The following SPRR2G variants were observed in gnomAD, a reference collection of about 807,000 sequenced individuals.
SPRR2G encodes small proline-rich protein 2G.
A neutral mutation model predicts 0.7 loss-of-function variants in SPRR2G; 1 was observed. The observed-to-expected ratio is 1.49, with a 90% CI of 0.53 to 7.06. SPRR2G has a LOEUF of 7.06. Among genes scored for constraint, SPRR2G ranks in the 30% most tolerant of loss-of-function variants. The probability of loss-of-function intolerance (pLI) is 0.14; values close to 1 mark genes in which losing one functional copy is unlikely to be tolerated. For synonymous variants in SPRR2G, 38 were observed against 33.9 expected (o/e 1.12, Z -0.42); for missense variants, 96 against 88.5 (o/e 1.09, Z -0.34).
chr1:153,158,994 G>A, the SPRR2G span, among the ~76,000 whole-genome samples: 2 of 152,158 alleles, frequency 1.3e-5, no homozygotes, highest in African/African-American at 4.8e-5. Context: ...CCTGGGCCTG[G>A]CCCACTAAAC....
At chr1:153,181,616 T>C in the SPRR2G span, among the ~76,000 whole-genome samples, 5 of 152,070 alleles carry the variant, frequency 3.3e-5, no homozygotes, top group Non-Finnish European at 7.4e-5. Flanking sequence ...TTCTATTCTC[T>C]ACCTTCATGA....
At chr1:153,167,490 GAAAAA>G in the SPRR2G span, among the ~76,000 whole-genome samples, 2 of 52,048 alleles carry the variant, frequency 3.8e-5, no homozygotes, top group African/African-American at 9.9e-5. Flanking sequence ...AAACAAAAAA[GAAAAA>G]GAAAAAGAAA....
the SPRR2G span, among the ~76,000 whole-genome samples, chr1:153,199,562 G>A: frequency 6.6e-6 from 1 of 152,194 alleles, no homozygotes; most frequent in African/African-American, 2.4e-5. Flanking sequence ...ACAAGAGGCA[G>A]CTGGGTGAGC....
chr1:153,153,348 G>A (rs774170734), upstream of SPRR2G, among the ~76,000 whole-genome samples: 1 of 152,124 alleles, frequency 6.6e-6, no homozygotes, highest in Non-Finnish European at 1.5e-5. Context: ...TAAACACAAT[G>A]ATTGAGTTAA....
chr1:153,151,826 G>GGAT (rs1197121965), upstream of SPRR2G, among the ~76,000 whole-genome samples: 6 of 152,176 alleles, frequency 3.9e-5, no homozygotes, highest in African/African-American at 1.4e-4. Flanking sequence ...TTTACTTCAT[G>GGAT]GATGTTTTTA....
chr1:153,150,227 C>A, intron 1 of SPRR2G, 96 bp from the exon 2 acceptor site: 2 of 1,509,730 alleles, frequency 1.3e-6, no homozygotes, highest in Non-Finnish European at 8.9e-7. Flanking sequence ...TAGGGACCAA[C>A]TTTGATCCCT....
At chr1:153,189,628 C>A in the SPRR2G span, among the ~76,000 whole-genome samples, 2 of 152,080 alleles carry the variant, frequency 1.3e-5, no homozygotes, top group African/African-American at 4.8e-5. Flanking sequence ...GGTTTCCTGG[C>A]AGAGATGAGG....
the SPRR2G span, among the ~76,000 whole-genome samples, chr1:153,187,114 C>G: frequency 8.5e-5 from 13 of 152,204 alleles, no homozygotes; most frequent in African/African-American, 3.1e-4. Context: ...ACCTTTCTCT[C>G]TGTCTGCCCT....
chr1:153,159,983 G>C, the SPRR2G span, among the ~76,000 whole-genome samples: 1 of 152,152 alleles, frequency 6.6e-6, no homozygotes, highest in Admixed American at 6.6e-5. Context: ...TTAACCATAG[G>C]TATTATATTG....
In SPRR2G at chr1:153,149,697, G is replaced by T; in HGVS notation, c.*192C>A. 2.8e-6 allele frequency: 2 copies of T among 708,482 alleles called. No individual in the cohort carries two copies. Among genetic ancestry groups the T allele is most frequent in the Non-Finnish European group, 2.4e-6 (1 of 423,646 alleles). The allele number at this position is 708,482 out of a possible 1,614,324, so 43.9% of individuals were successfully genotyped here. A position where few individuals can be genotyped will look rare whatever the true frequency, so the allele number is the denominator to read the frequency against. On this transcript the variant is annotated 3_prime_UTR_variant, in exon 2 of 2. Coordinates refer to ENST00000368748, the MANE Select transcript of SPRR2G (RefSeq NM_001014291.4). ...AGACAGCAAAGCGAGATTAGGCAGT[G>T]ATCTGGCTGCTCATCTTCCAACAAC...
chr1:153,156,457 T>C, the SPRR2G span, among the ~76,000 whole-genome samples: 1 of 152,260 alleles, frequency 6.6e-6, no homozygotes, highest in African/African-American at 2.4e-5. Context: ...AAAGGAATTG[T>C]CTAAAGAATT....
the SPRR2G span, among the ~76,000 whole-genome samples, chr1:153,167,418 G>A: frequency 6.6e-6 from 1 of 152,090 alleles, no homozygotes; most frequent in Admixed American, 6.6e-5. Flanking sequence ...AGGCTGTGGT[G>A]AGCCAAGATC....
upstream of SPRR2G, among the ~76,000 whole-genome samples, chr1:153,154,766 AGAG>A (rs144437487): frequency 0.016 from 2,396 of 152,170 alleles, 64 homozygotes; most frequent in African/African-American, 0.055. Context: ...TAGTCTAGCT[AGAG>A]GTTTGTCAAA....
chr1:153,188,655 C>T, the SPRR2G span, among the ~76,000 whole-genome samples: 4 of 152,188 alleles, frequency 2.6e-5, no homozygotes, highest in African/African-American at 9.7e-5. Context: ...CGCTCCCTGG[C>T]TTCAACACCC....
rs769596610 is a variant in SPRR2G at position 153,149,917 on chromosome 1, T to C, written c.194A>G (p.Gln65Arg). ...CTTGCTCTTGGGTGGATACTTCTGC[T>C]GGCAGGGTGGGTATGGTTGCACAGG... ...CPPVQPYPPC[Q>R]QKYPPKSK The change falls in exon 2 of 2, where the codon CAG becomes CGG. Residue 65 changes from glutamine (Q) to arginine (R), a missense_variant. Gln to Arg is a conservative substitution (Grantham distance 43). Transcript: ENST00000368748. The C allele has an allele frequency of 1.2e-6, 2 of 1,613,978 alleles. No individual in the cohort carries two copies. The highest frequency in any genetic ancestry group is 1.7e-6 in the Non-Finnish European group (2 of 1,180,026).
the SPRR2G span, among the ~76,000 whole-genome samples, chr1:153,166,068 C>G: frequency 6.6e-6 from 1 of 152,228 alleles, no homozygotes; most frequent in Non-Finnish European, 1.5e-5. Flanking sequence ...CCCAAGCCTT[C>G]TCTTTCCCAT....
chr1:153,201,864 C>A, the SPRR2G span, among the ~76,000 whole-genome samples: 1 of 152,198 alleles, frequency 6.6e-6, no homozygotes, highest in African/African-American at 2.4e-5. Flanking sequence ...GCCATATTTC[C>A]AATAACCACC....
chr1:153,164,719 G>A, the SPRR2G span, among the ~76,000 whole-genome samples: 3,362 of 152,276 alleles, frequency 0.022, 112 homozygotes, highest in East Asian at 0.11. Context: ...GGTGGGTTCA[G>A]CATAGAACTC....
chr1:153,177,408 A>T, the SPRR2G span, among the ~76,000 whole-genome samples: 1 of 152,206 alleles, frequency 6.6e-6, no homozygotes, highest in Non-Finnish European at 1.5e-5. Flanking sequence ...GTTTAACTTT[A>T]TAAGAAACCG....
Sources: gnomAD v4.1 joint callset for allele counts (sites outside exome capture counted in the v4.1 genomes callset) on GRCh38, gnomAD v4.1.1 for gene constraint, MANE v1.5 for transcripts, NCBI Gene and HGNC (gene_info 2026-07-23, HGNC 2026-07-21) for gene names.